PDE1C: variants seen among roughly 807,000 people sequenced by gnomAD.
PDE1C encodes the protein dual specificity calcium/calmodulin-dependent 3',5'-cyclic nucleotide phosphodiesterase 1C.
In PDE1C, 62 loss-of-function variants were observed where a neutral mutation model predicts 93.1. The ratio of observed to expected loss-of-function variants is 0.67; its 90% CI spans 0.54 to 0.82. PDE1C has a LOEUF of 0.82. Among genes scored for constraint, PDE1C ranks in the 40% least tolerant of loss-of-function variants. The pLI is 0.00. For missense variants in PDE1C, 742 were observed against 884.6 expected (o/e 0.84, Z 2.04); for synonymous variants, 325 against 310.1 (o/e 1.05, Z -0.50).
chr7:32,385,033 G>C lies in PDE1C; in HGVS notation c.310+42789C>G, dbSNP rs139631234. ...AGTGATGATGAGGAAGTGGCAAATG[G>C]AACAGAAATAAATAAGCAGAGTTGG... On this transcript the variant is annotated intron_variant, in intron 1 of 1. Transcript: ENST00000672256. Among the ~76,000 whole-genome samples, 6 of 152,292 alleles carry C rather than the reference G, an allele frequency of 3.9e-5. No homozygotes were observed. The East Asian group carries it at 1.2e-3, about 29-fold the overall frequency.
At chr7:32,032,531 A>T (rs911406033) in intron 2 of PDE1C, among the ~76,000 whole-genome samples, 3 of 152,222 alleles carry the variant, frequency 2.0e-5, no homozygotes, top group Non-Finnish European at 4.4e-5. Context: ...CCCAAAAGGC[A>T]CATGTAAATA....
At chr7:31,630,980 A>C in the PDE1C span, among the ~76,000 whole-genome samples, 1 of 152,204 alleles carries the variant, frequency 6.6e-6, no homozygotes, top group African/African-American at 2.4e-5. Context: ...AAGGAACATA[A>C]ATTGTTCAGT....
At chr7:32,261,283 A>G (rs747189195) in intron 1 of PDE1C, among the ~76,000 whole-genome samples, 2 of 152,116 alleles carry the variant, frequency 1.3e-5, no homozygotes, top group African/African-American at 4.8e-5. Flanking sequence ...CACCACCCAG[A>G]CCAGTAATCT....
intron 16 of PDE1C, chr7:31,789,803 C>T: frequency 1.0e-6 from 1 of 992,002 alleles, no homozygotes. Flanking sequence ...AAAATGACAA[C>T]ATTTAAAGTA....
At chr7:31,643,725 A>G in the PDE1C span, 3 of 1,614,054 alleles carry the variant, frequency 1.9e-6, no homozygotes, top group African/African-American at 1.3e-5. Context: ...CCGTCTCTCT[A>G]GACTCAGGCT....
intron 1 of PDE1C, among the ~76,000 whole-genome samples, chr7:32,319,932 T>C (rs1783253845): frequency 6.6e-6 from 1 of 152,180 alleles, no homozygotes; most frequent in Non-Finnish European, 1.5e-5. Flanking sequence ...AAATTACTTA[T>C]CTCAAAGTCC....
At chr7:31,625,741 G>GTGCACATGTACCCTAAACTTAAAGTATA in the PDE1C span, among the ~76,000 whole-genome samples, 2 of 151,802 alleles carry the variant, frequency 1.3e-5, no homozygotes, top group Admixed American at 1.3e-4. Context: ...CCTGCACATT[G>GTGCACATGTACCCTAAACTTAAAGTATA]TGCACATGTA....
In PDE1C at chr7:32,162,244, C is replaced by A. The variant is rs559725279; in HGVS notation, c.308+7541G>T. On this transcript the variant is annotated intron_variant, in intron 3 of 18. Transcript: ENST00000396193. ...TGCCCCATGTTCCCTCCCACTAGAGCCCATAGGGAAGATACTGCATCAAAT... is the reference window on the plus strand; with the variant it reads ...TGCCCCATGTTCCCTCCCACTAGAGACCATAGGGAAGATACTGCATCAAAT... 3.8e-4 allele frequency among the ~76,000 whole-genome samples: 58 copies of A among 152,244 alleles called. No homozygotes were observed. In the South Asian group the frequency reaches 0.012, roughly 32 times the overall value.
intron 1 of PDE1C, among the ~76,000 whole-genome samples, chr7:32,398,302 C>CAAAA (rs372761892): frequency 1.5e-5 from 2 of 137,460 alleles, no homozygotes; most frequent in Non-Finnish European, 3.1e-5. Flanking sequence ...GACTCCGTCT[C>CAAAA]AAAAAAAAAA....
intron 1 of PDE1C, among the ~76,000 whole-genome samples, chr7:32,372,181 G>A (rs1784346780): frequency 6.6e-6 from 1 of 150,904 alleles, no homozygotes; most frequent in Non-Finnish European, 1.5e-5. Flanking sequence ...ACCCTCCCAA[G>A]TAGCTGGGAT....
chr7:31,807,858 C>A (rs1787050610), intron 16 of PDE1C, among the ~76,000 whole-genome samples: 1 of 151,622 alleles, frequency 6.6e-6, no homozygotes, highest in Non-Finnish European at 1.5e-5. Flanking sequence ...GTGTAATTTA[C>A]TTCTTAGTCA....
chr7:32,226,942 G>T (rs1020986408), intron 1 of PDE1C, among the ~76,000 whole-genome samples: 1 of 152,150 alleles, frequency 6.6e-6, no homozygotes, highest in African/African-American at 2.4e-5. Context: ...GCGGTCAGGG[G>T]CCGTTAGGAA....
At chr7:31,750,457 T>C (rs77920559), downstream of PDE1C, among the ~76,000 whole-genome samples, 409 of 152,330 alleles carry the variant, frequency 2.7e-3, 2 homozygotes, top group African/African-American at 9.3e-3. Flanking sequence ...GTAAGGGACA[T>C]TACCCTTGAA....
At chr7:32,251,958 C>A (rs886495921) in intron 1 of PDE1C, among the ~76,000 whole-genome samples, 1 of 152,140 alleles carries the variant, frequency 6.6e-6, no homozygotes, top group African/African-American at 2.4e-5. Context: ...CAGATCTCCC[C>A]CTGTGGTTGT....
At chr7:31,848,457 A>G (rs1438906776) in intron 8 of PDE1C, among the ~76,000 whole-genome samples, 3 of 151,948 alleles carry the variant, frequency 2.0e-5, no homozygotes, top group African/African-American at 7.2e-5. Flanking sequence ...TTTTATTTTT[A>G]TTTTATTCAA....
chr7:32,256,740 T>A (rs1172159902), intron 1 of PDE1C, among the ~76,000 whole-genome samples: 2 of 152,330 alleles, frequency 1.3e-5, no homozygotes, highest in East Asian at 3.9e-4. Flanking sequence ...TGGCCCCAGT[T>A]TCCTCATCTG....
chr7:31,643,966 C>T, the PDE1C span: 2 of 1,586,858 alleles, frequency 1.3e-6, no homozygotes, highest in Non-Finnish European at 1.7e-6. Context: ...AAGTGTTCAC[C>T]CTGGCAAAGA....
intron 2 of PDE1C, among the ~76,000 whole-genome samples, chr7:31,951,656 G>A (rs773299136): frequency 1.3e-5 from 2 of 152,074 alleles, no homozygotes; most frequent in South Asian, 2.1e-4. Context: ...TCCTTTATCC[G>A]GCATTCTCTA....
At chr7:32,364,625 G>A (rs566376163) in intron 1 of PDE1C, among the ~76,000 whole-genome samples, 9 of 152,274 alleles carry the variant, frequency 5.9e-5, no homozygotes, top group Non-Finnish European at 7.3e-5. Context: ...GGGAATTCAC[G>A]CAGCTGCATC....
Sources: allele counts gnomAD v4.1 joint callset (sites outside exome capture counted in the v4.1 genomes callset), GRCh38; gene constraint gnomAD v4.1.1; transcripts MANE v1.5; gene names NCBI Gene and HGNC (gene_info 2026-07-23, HGNC 2026-07-21).